RIT2: variants seen among roughly 807,000 people sequenced by gnomAD.
RIT2 encodes the protein GTP-binding protein Rit2.
A neutral mutation model predicts 23.7 loss-of-function variants in RIT2; 24 were observed. That is an observed-to-expected ratio of 1.01 (90% CI 0.73 to 1.43). RIT2 has a LOEUF of 1.43. Among genes scored for constraint, RIT2 ranks in the 40% most tolerant of loss-of-function variants. The pLI is 0.00. For synonymous variants in RIT2, 107 were observed against 91.1 expected (o/e 1.17, Z -0.99); for missense variants, 236 against 266.9 (o/e 0.88, Z 0.81).
chr18:42,934,031 A>G (rs1008258257), intron 3 of RIT2, among the ~76,000 whole-genome samples: 2 of 39,980 alleles, frequency 5.0e-5, no homozygotes, highest in African/African-American at 5.7e-5. Flanking sequence ...AAGAAAAAAA[A>G]AAAAAAAGAA....
At chr18:42,795,938 G>C (rs1477636097) in intron 4 of RIT2, among the ~76,000 whole-genome samples, 1 of 152,066 alleles carries the variant, frequency 6.6e-6, no homozygotes, top group Non-Finnish European at 1.5e-5. Context: ...TTTGTGTCTA[G>C]CCCAGGGATT....
intron 4 of RIT2, among the ~76,000 whole-genome samples, chr18:42,862,148 G>A (rs1907344480): frequency 6.6e-6 from 1 of 152,150 alleles, no homozygotes; most frequent in Non-Finnish European, 1.5e-5. Flanking sequence ...TGTACTAAGG[G>A]AGGGACCTGG....
Position 42,744,195 on chromosome 18 carries a change from T to G in RIT2, c.427-475A>C, listed in dbSNP as rs1567985652. On this transcript the variant is annotated intron_variant, in intron 4 of 4. Transcript: ENST00000326695. ...ATAAAATGGCCCCACCCCATCTCCC[T>G]TTGCTGACTCTCTTTTTGGACTCAG... 2.6e-5 allele frequency among the ~76,000 whole-genome samples: 4 copies of G among 152,126 alleles called. No homozygotes were observed. The South Asian group carries it at 6.2e-4, about 24-fold the overall frequency.
intron 3 of RIT2, among the ~76,000 whole-genome samples, chr18:42,932,677 G>T (rs994666280): frequency 2.6e-5 from 4 of 151,806 alleles, no homozygotes; most frequent in African/African-American, 7.3e-5. Context: ...TTTTGCAGAT[G>T]AGAAAATCAG....
chr18:42,809,933 A>C (rs955860932), intron 4 of RIT2, among the ~76,000 whole-genome samples: 3 of 143,778 alleles, frequency 2.1e-5, no homozygotes, highest in African/African-American at 7.7e-5. Flanking sequence ...TATATGTTAT[A>C]TATTAATATA....
intron 1 of RIT2, among the ~76,000 whole-genome samples, chr18:43,063,007 C>A (rs1598767451): frequency 6.6e-6 from 1 of 151,702 alleles, no homozygotes; most frequent in Admixed American, 6.6e-5. Flanking sequence ...ATGGACATGG[C>A]AAAGAGATGG....
intron 4 of RIT2, among the ~76,000 whole-genome samples, chr18:42,751,523 T>C (rs910455519): frequency 6.6e-6 from 1 of 152,050 alleles, no homozygotes; most frequent in African/African-American, 2.4e-5. Context: ...ACAAATCCCA[T>C]GCAAATATTC....
chr18:43,019,326 A>G (rs558175207), intron 2 of RIT2, among the ~76,000 whole-genome samples: 1 of 152,082 alleles, frequency 6.6e-6, no homozygotes, highest in Non-Finnish European at 1.5e-5. Flanking sequence ...AGCACCAAAA[A>G]GATAATACAA....
chr18:42,829,092 C>G (rs924682676), intron 4 of RIT2, among the ~76,000 whole-genome samples: 3 of 152,038 alleles, frequency 2.0e-5, no homozygotes, highest in Admixed American at 6.5e-5. Flanking sequence ...TTGGAAGAAC[C>G]ATCTGGACAG....
intron 4 of RIT2, among the ~76,000 whole-genome samples, chr18:42,866,142 T>C (rs1907463524): frequency 6.6e-6 from 1 of 152,198 alleles, no homozygotes. Context: ...TTTATTATGG[T>C]TTTGAAACAA....
At chr18:43,042,999 T>TA (rs1568064817) in intron 1 of RIT2, among the ~76,000 whole-genome samples, 2 of 152,156 alleles carry the variant, frequency 1.3e-5, no homozygotes, top group South Asian at 4.1e-4. Context: ...ATATAGTTTA[T>TA]AAAAAAGATA....
intron 4 of RIT2, among the ~76,000 whole-genome samples, chr18:42,870,550 G>A (rs1907594781): frequency 6.6e-6 from 1 of 152,090 alleles, no homozygotes; most frequent in South Asian, 2.1e-4. Flanking sequence ...ATTGAATTTT[G>A]TTACCTAATA....
chr18:43,068,790 A>AT (rs1912833876), intron 1 of RIT2, among the ~76,000 whole-genome samples: 2 of 152,152 alleles, frequency 1.3e-5, no homozygotes, highest in South Asian at 4.1e-4. Flanking sequence ...AATACAAAAA[A>AT]AAAAGCACAA....
intron 2 of RIT2, among the ~76,000 whole-genome samples, chr18:43,011,699 C>T (rs574170752): frequency 1.4e-3 from 206 of 151,846 alleles, no homozygotes; most frequent in Non-Finnish European, 2.6e-3. Flanking sequence ...GTTCACTTCC[C>T]TCTGTCATAA....
At chr18:42,881,485 A>G (rs746162419) in intron 4 of RIT2, among the ~76,000 whole-genome samples, 4 of 152,204 alleles carry the variant, frequency 2.6e-5, no homozygotes, top group Admixed American at 6.5e-5. Flanking sequence ...TTCCTATGGA[A>G]AAGTCCAAGG....
chr18:42,807,134 T>C (rs935819265), intron 4 of RIT2, among the ~76,000 whole-genome samples: 1 of 152,220 alleles, frequency 6.6e-6, no homozygotes, highest in Admixed American at 6.5e-5. Context: ...AATCTTTCAA[T>C]TTATAAATTT....
At chr18:42,838,813 A>G (rs752409879) in intron 4 of RIT2, among the ~76,000 whole-genome samples, 2 of 152,240 alleles carry the variant, frequency 1.3e-5, no homozygotes. Context: ...TAGGCACTAG[A>G]AAGTTTGCTT....
At chr18:43,052,887 A>G (rs72910638) in intron 1 of RIT2, among the ~76,000 whole-genome samples, 5,383 of 152,170 alleles carry the variant, frequency 0.035, 138 homozygotes, top group South Asian at 0.12. Context: ...TAACAGTTCT[A>G]TCTTGCCCAC....
At chr18:42,991,698 T>C (rs183607430) in intron 2 of RIT2, among the ~76,000 whole-genome samples, 1 of 152,188 alleles carries the variant, frequency 6.6e-6, no homozygotes, top group East Asian at 1.9e-4. Flanking sequence ...GACATTATCT[T>C]GTGAAATTCC....
Sources: allele counts gnomAD v4.1 joint callset (sites outside exome capture counted in the v4.1 genomes callset), GRCh38; gene constraint gnomAD v4.1.1; transcripts MANE v1.5; gene names NCBI Gene and HGNC (gene_info 2026-07-23, HGNC 2026-07-21).